RBCK1: variants seen among roughly 807,000 people sequenced by gnomAD.
The protein encoded by RBCK1 is RANBP2-type and C3HC4-type zinc finger containing 1.
A neutral mutation model predicts 71.1 loss-of-function variants in RBCK1; 44 were observed. The ratio of observed to expected loss-of-function variants is 0.62; its 90% CI spans 0.49 to 0.80. RBCK1 has a LOEUF of 0.80. RBCK1 is among the 30% of genes least tolerant of loss of function. The probability of loss-of-function intolerance (pLI) is 0.00; values close to 1 mark genes in which losing one functional copy is unlikely to be tolerated. For missense variants in RBCK1, 569 were observed against 685.0 expected (o/e 0.83, Z 1.89); for synonymous variants, 306 against 279.7 (o/e 1.09, Z -0.94).
intron 4 of RBCK1, among the ~76,000 whole-genome samples, chr20:418,614 C>A (rs529496478): frequency 1.3e-5 from 2 of 152,124 alleles, no homozygotes; most frequent in African/African-American, 4.8e-5. Flanking sequence ...GTGATCCGCC[C>A]GCCTCGGCCT....
At position 430,564 on chromosome 20, in the gene RBCK1, G is replaced by A. The variant is rs934133017; in HGVS notation, c.*134G>A. On this transcript the variant is annotated 3_prime_UTR_variant, in exon 12 of 12. Coordinates refer to ENST00000356286, the MANE Select transcript of RBCK1 (RefSeq NM_031229.4). The surrounding 1 kb of genome is among the most constrained non-coding windows in gnomAD (Gnocchi z 5.6). ...CCCTGCCTGCACTGCGGTTGTCCAC[G>A]GTCACATCTGCCCCAGTGCCTTTGT... is the stretch of plus-strand genomic sequence containing the variant. 37 of 842,648 alleles carry A rather than the reference G, an allele frequency of 4.4e-5. No homozygotes were observed. Among genetic ancestry groups the A allele is most frequent in the Non-Finnish European group, 6.1e-5 (32 of 527,438 alleles). 52.2% of individuals were successfully genotyped at this position (842,648 alleles called of 1,614,324 possible). A position where few individuals can be genotyped will look rare whatever the true frequency, so the allele number is the denominator to read the frequency against.
intron 2 of RBCK1, chr20:410,826 G>T: frequency 1.1e-5 from 4 of 352,530 alleles, no homozygotes; most frequent in Non-Finnish European, 2.1e-5. Flanking sequence ...TCTGATTTTT[G>T]GTTCTCTTGG....
rs948805817 is a variant in RBCK1 at position 428,295 on chromosome 20, G to A, written c.1210-196G>A. Among the ~76,000 whole-genome samples, 1 of 152,210 alleles carries A rather than the reference G, an allele frequency of 6.6e-6. No individual in the cohort carries two copies. The highest frequency in any genetic ancestry group is 1.5e-5 in the Non-Finnish European group (1 of 68,038). The stretch of plus-strand genomic sequence containing the variant: ...GGTATATTTTGCTGTTAGCATATGT[G>A]ATGACCTTGACTTCACCTCCCTGGC... On this transcript the variant is annotated intron_variant, in intron 9 of 11. Coordinates refer to ENST00000356286, the MANE Select transcript of RBCK1 (RefSeq NM_031229.4). This position sits in a 1 kb window ranked among gnomAD's most constrained non-coding sequence, Gnocchi z 5.7.
At position 422,165 on chromosome 20, in the gene RBCK1, C is replaced by T. The variant is rs1199811720; in HGVS notation, c.956C>T (p.Ala319Val). The T allele has an allele frequency of 3.4e-5, 55 of 1,612,984 alleles. No homozygotes were observed. The highest frequency in any genetic ancestry group is 3.8e-5 in the Non-Finnish European group (45 of 1,179,878). ...GGCACCATCCGCAACAGCCAGGAGG[C>T]GGAGGTCTCCTGCCCCTTCATTGAC... ...LQGTIRNSQE[A>V]EVSCPFIDNT... The change falls in exon 8 of 12, where the codon GCG becomes GTG. Residue 319 changes from alanine to valine, a missense_variant. Around this residue, in one of 2 missense-constraint regions of RBCK1, gnomAD observed 211 missense variants for 309.4 expected, o/e 0.68. Coordinates refer to ENST00000356286, the MANE Select transcript of RBCK1 (RefSeq NM_031229.4). This position sits in a 1 kb window ranked among gnomAD's most constrained non-coding sequence, Gnocchi z 5.0.
At chr20:414,308 A>G (rs2015874471) in intron 2 of RBCK1, among the ~76,000 whole-genome samples, 1 of 152,130 alleles carries the variant, frequency 6.6e-6, no homozygotes, top group Non-Finnish European at 1.5e-5. Flanking sequence ...GCTATTTGAG[A>G]GGCTGAGATG....
chr20:422,678 C>CG lies in RBCK1; in HGVS notation c.1029+445dup, dbSNP rs2016510604. On this transcript the variant is annotated intron_variant, in intron 8 of 11. Coordinates refer to ENST00000356286, the MANE Select transcript of RBCK1 (RefSeq NM_031229.4). The surrounding 1 kb of genome is among the most constrained non-coding windows in gnomAD (Gnocchi z 5.0). ...AAAATATTCAAAAAATAGCCAGGCGCGGGGGCATGCGCCTGTAGTCCTAGC... is the reference window on the plus strand; with the variant it reads ...AAAATATTCAAAAAATAGCCAGGCGCGGGGGGCATGCGCCTGTAGTCCTAGC... 6.6e-6 allele frequency among the ~76,000 whole-genome samples: 1 copy of CG among 151,934 alleles called. No homozygotes were observed. Among genetic ancestry groups the CG allele is most frequent in the Admixed American group, 6.6e-5 (1 of 15,250 alleles).
At position 428,377 on chromosome 20, in the gene RBCK1, G is replaced by A; in HGVS notation, c.1210-114G>A. On this transcript the variant is annotated intron_variant, in intron 9 of 11. Coordinates refer to ENST00000356286, the MANE Select transcript of RBCK1 (RefSeq NM_031229.4). The surrounding 1 kb of genome is among the most constrained non-coding windows in gnomAD (Gnocchi z 5.7). ...CATTACAAAGTGAGGTCCTGCCAGT[G>A]ACTACACCTAGAGGCATTAAGTGCC... 3.2e-6 allele frequency: 2 copies of A among 627,864 alleles called. No individual in the cohort carries two copies. 38.9% of individuals were successfully genotyped at this position (627,864 alleles called of 1,614,324 possible).
At position 419,460 on chromosome 20, in the gene RBCK1, C is replaced by T. The variant is rs760007593; in HGVS notation, c.574C>T (p.Pro192Ser). Residue 192 changes from proline to serine, a missense_variant, in exon 5 of 12, where the codon CCC (proline) becomes TCC (serine). Coordinates refer to ENST00000356286, the MANE Select transcript of RBCK1 (RefSeq NM_031229.4). ...GRGQPDAVPE[P>S]PPVGWQCPGC... ...GGGGCAGCCAGATGCAGTGCCTGAG[C>T]CCCCACCGGTAAGCTGTCCTTGGCC... is the stretch of plus-strand genomic sequence containing the variant. 3.1e-6 allele frequency: 5 copies of T among 1,606,452 alleles called. No individual in the cohort carries two copies. The East Asian group carries it at 8.9e-5, about 29-fold the overall frequency.
chr20:426,775 T>G (rs1297217730), intron 8 of RBCK1, among the ~76,000 whole-genome samples: 1 of 151,240 alleles, frequency 6.6e-6, no homozygotes, highest in East Asian at 1.9e-4. Flanking sequence ...CTTTTAGAAA[T>G]TCCCCCCACT....
intron 7 of RBCK1, among the ~76,000 whole-genome samples, 169 bp downstream of exon 7, chr20:421,200 A>C (rs1409608385): frequency 1.3e-5 from 2 of 152,198 alleles, no homozygotes; most frequent in Non-Finnish European, 2.9e-5. Context: ...TGAGGGAAAG[A>C]GAGGCCCAGC....
At chr20:420,413 C>T in intron 6 of RBCK1, 1 of 984,954 alleles carries the variant, frequency 1.0e-6, no homozygotes, top group Non-Finnish European at 1.2e-6. Context: ...CCACCCCACT[C>T]CTGTTCCCGT....
chr20:413,376 C>G (rs2015813380), intron 2 of RBCK1, among the ~76,000 whole-genome samples: 1 of 151,978 alleles, frequency 6.6e-6, no homozygotes. Context: ...TCATTGGCCA[C>G]TTGATTTTAA....
rs1447337446 is a variant in RBCK1 at position 422,364 on chromosome 20, C to T, written c.1029+126C>T. The T allele has an allele frequency of 8.1e-6, 6 of 743,478 alleles. No individual in the cohort carries two copies. The African/African-American group carries it at 1.1e-4, about 13-fold the overall frequency. The allele number at this position is 743,478 out of a possible 1,614,324, so 46.1% of individuals were successfully genotyped here. ...TGGAGATGGGGTCTCACTATGTTGT[C>T]CAAGCTGGTCTCAAACTCCTGGGCT... On this transcript the variant is annotated intron_variant, in intron 8 of 11. Transcript: ENST00000356286. The surrounding 1 kb of genome is among the most constrained non-coding windows in gnomAD (Gnocchi z 5.0).
chr20:422,371 G>A lies in RBCK1; in HGVS notation c.1029+133G>A. On this transcript the variant is annotated intron_variant, in intron 8 of 11. Coordinates refer to ENST00000356286, the MANE Select transcript of RBCK1 (RefSeq NM_031229.4). This position sits in a 1 kb window ranked among gnomAD's most constrained non-coding sequence, Gnocchi z 5.0. ...GGGGTCTCACTATGTTGTCCAAGCT[G>A]GTCTCAAACTCCTGGGCTTAAGCGA... 1 of 709,922 alleles carries A rather than the reference G, an allele frequency of 1.4e-6. No individual in the cohort carries two copies. Among genetic ancestry groups the A allele is most frequent in the Non-Finnish European group, 2.4e-6 (1 of 417,110 alleles). 44.0% of individuals were successfully genotyped at this position (709,922 alleles called of 1,614,324 possible).
rs1314969605 is a variant in RBCK1, at chr20:427,444, T to C, written c.1161T>C (p.Asn387=). 1.2e-6 allele frequency: 2 copies of C among 1,614,080 alleles called. No homozygotes were observed. Among genetic ancestry groups the C allele is most frequent in the African/African-American group, 1.3e-5 (1 of 75,048 alleles). The stretch of plus-strand genomic sequence containing the variant: ...GGTGCTTCTTTGAGGATGATGTCAA[T>C]GAGTTCACCTGCCCTGTGTGTTTCC... ...KGWCFFEDDV[N]EFTCPVCFHV... Residue 387 remains asparagine (N), a synonymous_variant, in exon 9 of 12, where the codon AAT becomes AAC. Transcript: ENST00000356286.
At position 408,305 on chromosome 20, in the gene RBCK1, A is replaced by G. The variant is rs559098796; in HGVS notation, c.-453A>G. The G allele has an allele frequency of 2.9e-4, 53 of 180,300 alleles. No individual in the cohort carries two copies. The highest frequency in any genetic ancestry group is 1.1e-3 in the African/African-American group (46 of 42,126). 11.2% of individuals were successfully genotyped at this position (180,300 alleles called of 1,614,324 possible). ...CCCCACTTCCGGGGCCGCCACTTTC[A>G]CTTTCTCTTCCGCCGAAGCCGCTCC... On this transcript the variant is annotated 5_prime_UTR_variant, in exon 1 of 12. Transcript: ENST00000356286.
At chr20:426,336 T>G (rs1600309914) in intron 8 of RBCK1, among the ~76,000 whole-genome samples, 1 of 152,164 alleles carries the variant, frequency 6.6e-6, no homozygotes, top group Admixed American at 6.6e-5. Flanking sequence ...CCATCCCCAC[T>G]CCCCTGCCAC....
rs1354146529 is a variant in RBCK1 at position 420,445 on chromosome 20, C to T, written c.757-426C>T. 9.3e-6 allele frequency: 9 copies of T among 967,388 alleles called. No individual in the cohort carries two copies. The African/African-American group carries it at 1.8e-4, about 20-fold the overall frequency. The allele number at this position is 967,388 out of a possible 1,614,324, so 59.9% of individuals were successfully genotyped here. ...CCGTCTCAGCTCCTCGGCTTCGTCA[C>T]TTCCCCACCCCTGACGTTGAGTGGC... On this transcript the variant is annotated intron_variant, in intron 6 of 11. Transcript: ENST00000356286.
Position 430,342 on chromosome 20 carries a change from T to A in RBCK1, c.1453-8T>A. 1 of 1,600,928 alleles carries A rather than the reference T, an allele frequency of 6.2e-7. No homozygotes were observed. Among genetic ancestry groups the A allele is most frequent in the Non-Finnish European group, 8.6e-7 (1 of 1,168,202 alleles). On this transcript the variant is annotated splice_polypyrimidine_tract_variant and splice_region_variant and intron_variant, in intron 11 of 11. Transcript: ENST00000356286. This position sits in a 1 kb window ranked among gnomAD's most constrained non-coding sequence, Gnocchi z 5.6. ...CTGACATTCTCTTCTCTTCCTCCCA[T>A]CCTCTAGGGCCCAGGAGACACCAGC...
Sources: allele counts gnomAD v4.1 joint callset (sites outside exome capture counted in the v4.1 genomes callset), GRCh38; gene constraint gnomAD v4.1.1; regional missense constraint gnomAD v4.1.1; non-coding constraint Gnocchi (gnomAD v3.1); transcripts MANE v1.5; gene names NCBI Gene and HGNC (gene_info 2026-07-23, HGNC 2026-07-21).